ANKRD42: variants seen among roughly 807,000 people sequenced by gnomAD.
The protein encoded by ANKRD42 is ankyrin repeat domain-containing protein 42.
In ANKRD42, 43 loss-of-function variants were observed where a neutral mutation model predicts 51.5. That is an observed-to-expected ratio of 0.83 (90% confidence interval 0.65 to 1.08). The LOEUF (loss-of-function observed/expected upper bound fraction) is 1.08, where lower values mean the gene tolerates loss of function less well. ANKRD42 is among the 50% of genes least tolerant of loss of function. The pLI, the probability that ANKRD42 is intolerant of heterozygous loss-of-function variation, is 0.00. For synonymous variants in ANKRD42, 203 were observed against 213.0 expected (o/e 0.95, Z 0.41); for missense variants, 608 against 629.3 (o/e 0.97, Z 0.36).
At chr11:83,217,124 A>C (rs1428410483) in intron 5 of ANKRD42, among the ~76,000 whole-genome samples, 6 of 152,200 alleles carry the variant, frequency 3.9e-5, no homozygotes, top group African/African-American at 1.4e-4. Context: ...TTTGACAAGG[A>C]GGTTAAAAAT....
At chr11:83,200,492 C>A (rs1424177971) in intron 2 of ANKRD42, among the ~76,000 whole-genome samples, 3 of 152,122 alleles carry the variant, frequency 2.0e-5, no homozygotes, top group Non-Finnish European at 4.4e-5. Flanking sequence ...TTTTCTAGGG[C>A]AATAGCCTTT....
intron 3 of ANKRD42, 79 bp from the exon 4 acceptor site, chr11:83,210,221 G>T (rs777693401): frequency 4.8e-5 from 67 of 1,398,026 alleles, no homozygotes; most frequent in Non-Finnish European, 6.5e-5. Flanking sequence ...TAAATTGCTT[G>T]CCTTTGTATA....
At chr11:83,204,386 A>G (rs1442268869) in intron 2 of ANKRD42, among the ~76,000 whole-genome samples, 1 of 152,218 alleles carries the variant, frequency 6.6e-6, no homozygotes, top group African/African-American at 2.4e-5. Context: ...AGAAACAGAA[A>G]ACGAAAAACC....
rs775447606 is a variant in ANKRD42 at position 83,213,504 on chromosome 11, C to T, written c.586+2074C>T. ...AAATTATTTTGTGTTAGGCTTCCTT[C>T]GCTTTTTCAGACTGCTTTCAATTTC... is the stretch of plus-strand genomic sequence containing the variant. On this transcript the variant is annotated intron_variant, in intron 5 of 10. Transcript: ENST00000533342. The T allele has an allele frequency of 4.0e-5, 52 of 1,308,562 alleles. 1 individual carries two copies. Among genetic ancestry groups the T allele is most frequent in the South Asian group, 1.4e-4 (8 of 58,540 alleles). The allele number at this position is 1,308,562 out of a possible 1,614,324, so 81.1% of individuals were successfully genotyped here.
At chr11:83,258,444 T>C (rs920407645), downstream of ANKRD42, among the ~76,000 whole-genome samples, 2 of 152,156 alleles carry the variant, frequency 1.3e-5, no homozygotes, top group Non-Finnish European at 2.9e-5. Context: ...TGAACCCTAC[T>C]AGTATATTGA....
Position 83,194,388 on chromosome 11 carries a change from A to G in ANKRD42, c.-283A>G, listed in dbSNP as rs920227728. On this transcript the variant is annotated 5_prime_UTR_variant, in exon 1 of 11. Coordinates refer to ENST00000533342, the MANE Select transcript of ANKRD42 (RefSeq NM_001300975.2). ...ACAGCGTTGGTAGTTCTTGGGAGGA[A>G]GTAAGTGGAGACCGCGGCTACGCAG... 2 of 646,178 alleles carry G rather than the reference A, an allele frequency of 3.1e-6. No individual in the cohort carries two copies. Among genetic ancestry groups the G allele is most frequent in the African/African-American group, 3.6e-5 (2 of 56,024 alleles). 40.0% of individuals were successfully genotyped at this position (646,178 alleles called of 1,614,324 possible).
chr11:83,197,944 C>T (rs1861721456), intron 1 of ANKRD42, among the ~76,000 whole-genome samples: 1 of 152,206 alleles, frequency 6.6e-6, no homozygotes, highest in Non-Finnish European at 1.5e-5. Context: ...AAAATGGTTA[C>T]TTTCCCCTTC....
intron 7 of ANKRD42, among the ~76,000 whole-genome samples, chr11:83,229,702 A>G (rs1863009045): frequency 6.6e-6 from 1 of 152,184 alleles, no homozygotes; most frequent in Non-Finnish European, 1.5e-5. Context: ...ATGAGGAGCC[A>G]AAAGAGTTTG....
At position 83,210,516 on chromosome 11, in the gene ANKRD42, A is replaced by G. The variant is rs1317057517; in HGVS notation, c.450+97A>G. The G allele has an allele frequency of 2.9e-6, 4 of 1,402,222 alleles. No homozygotes were observed. In the East Asian group the frequency reaches 9.6e-5, roughly 33 times the overall value. The allele number at this position is 1,402,222 out of a possible 1,614,324, so 86.9% of individuals were successfully genotyped here. On this transcript the variant is annotated intron_variant, in intron 4 of 10. Coordinates refer to ENST00000533342, the MANE Select transcript of ANKRD42 (RefSeq NM_001300975.2). The stretch of plus-strand genomic sequence containing the variant: ...CTCTTCCTGACTTTTTAGATCTCTT[A>G]ATATGACTTTGGGAAACTAATTTAA...
chr11:83,256,357 T>A (rs867108651), downstream of ANKRD42, among the ~76,000 whole-genome samples: 13 of 152,192 alleles, frequency 8.5e-5, no homozygotes, highest in South Asian at 4.2e-4. Context: ...TTTAAAAAAA[T>A]TTTTTTTCAA....
At chr11:83,260,062 C>T (rs944768825), downstream of ANKRD42, 12 of 152,230 alleles carry the variant, frequency 7.9e-5, no homozygotes, top group African/African-American at 2.7e-4. Flanking sequence ...TCCAGATTTA[C>T]AATTGGGCAA....
chr11:83,255,438 G>A (rs1459361710), intron 11 of ANKRD42, among the ~76,000 whole-genome samples: 2 of 152,192 alleles, frequency 1.3e-5, no homozygotes, highest in Non-Finnish European at 2.9e-5. Flanking sequence ...ATGATTCGCA[G>A]CACTATGGGA....
intron 5 of ANKRD42, among the ~76,000 whole-genome samples, chr11:83,220,354 T>C (rs1339672269): frequency 6.6e-6 from 1 of 152,054 alleles, no homozygotes; most frequent in Non-Finnish European, 1.5e-5. Flanking sequence ...GCCTCTGAAT[T>C]CTAAGGAAGG....
chr11:83,250,832 G>A (rs552997), downstream of ANKRD42, among the ~76,000 whole-genome samples: 68,920 of 151,926 alleles, frequency 0.45, 16,181 homozygotes, highest in African/African-American at 0.58. Flanking sequence ...TACAAAAAGC[G>A]AGTCCATCCT....
intron 7 of ANKRD42, among the ~76,000 whole-genome samples, chr11:83,230,216 T>C (rs1489794243): frequency 6.6e-6 from 1 of 152,110 alleles, no homozygotes; most frequent in African/African-American, 2.4e-5. Context: ...TATGCCTGGC[T>C]AATTTTTTGT....
At chr11:83,227,240 G>A (rs1862914867) in intron 6 of ANKRD42, among the ~76,000 whole-genome samples, 1 of 152,102 alleles carries the variant, frequency 6.6e-6, no homozygotes, top group Non-Finnish European at 1.5e-5. Context: ...AGCCTCCTGA[G>A]TAGCTGTGAT....
chr11:83,212,542 A>C, intron 5 of ANKRD42: 1 of 943,558 alleles, frequency 1.1e-6, no homozygotes, highest in South Asian at 1.4e-5. Context: ...GATAGATCAC[A>C]GTGAGATTGG....
chr11:83,198,025 ATGAAAG>A (rs1861725299), intron 1 of ANKRD42, among the ~76,000 whole-genome samples: 1 of 152,190 alleles, frequency 6.6e-6, no homozygotes, highest in Admixed American at 6.5e-5. Flanking sequence ...GGTAAAATCT[ATGAAAG>A]TGTAGTGGCT....
In ANKRD42 at chr11:83,194,592, G is replaced by T. The variant is rs746314744; in HGVS notation, c.-79G>T. The T allele has an allele frequency of 3.5e-6, 5 of 1,422,562 alleles. No individual in the cohort carries two copies. Among genetic ancestry groups the T allele is most frequent in the Non-Finnish European group, 2.0e-6 (2 of 1,021,922 alleles). 88.1% of individuals were successfully genotyped at this position (1,422,562 alleles called of 1,614,324 possible). On this transcript the variant is annotated 5_prime_UTR_variant, in exon 1 of 11. Coordinates refer to ENST00000533342, the MANE Select transcript of ANKRD42 (RefSeq NM_001300975.2). ...AGGGCCGCTGCCGCTGCAGTGGCTC[G>T]TGGGTGAGAGCAAGTGAAGACCGCC...
Sources: allele counts gnomAD v4.1 joint callset (sites outside exome capture counted in the v4.1 genomes callset), GRCh38; gene constraint gnomAD v4.1.1; transcripts MANE v1.5; gene names NCBI Gene and HGNC (gene_info 2026-07-23, HGNC 2026-07-21).